The following RABGAP1L variants were observed in gnomAD, a reference collection of about 807,000 sequenced individuals.
The protein encoded by RABGAP1L is rab GTPase-activating protein 1-like.
In RABGAP1L, 63 loss-of-function variants were observed where a neutral mutation model predicts 137.7. The ratio of observed to expected loss-of-function variants is 0.46; its 90% confidence interval spans 0.37 to 0.56. The LOEUF is 0.56. RABGAP1L is among the 20% of genes least tolerant of loss of function. The probability of loss-of-function intolerance (pLI) is 0.00; values close to 1 mark genes in which losing one functional copy is unlikely to be tolerated. For missense variants in RABGAP1L, 1,095 were observed against 1,244.0 expected, an observed-to-expected ratio of 0.88 and a Z score of 1.80; for synonymous variants, 431 against 433.7, an observed-to-expected ratio of 0.99 and a Z score of 0.08.
Position 174,675,034 on chromosome 1 carries a change from A to G in RABGAP1L, c.1825-8488A>G, listed in dbSNP as rs1379376574. ...TTGCAAAAATTTTCTCCCATTTTGT[A>G]GGTTGCCTGTTCACTCTGATGGTAG... On this transcript the variant is annotated intron_variant, in intron 14 of 25. Coordinates refer to ENST00000681986, the MANE Select transcript of RABGAP1L (RefSeq NM_001366446.1). 2.0e-4 allele frequency among the ~76,000 whole-genome samples: 30 copies of G among 151,974 alleles called. No individual in the cohort carries two copies. In the South Asian group the frequency reaches 3.7e-3, roughly 19 times the overall value.
At chr1:174,902,328 C>T (rs1341246832) in intron 19 of RABGAP1L, among the ~76,000 whole-genome samples, 3 of 152,172 alleles carry the variant, frequency 2.0e-5, no homozygotes, top group African/African-American at 4.8e-5. Context: ...TGCCTCTCCC[C>T]CCCAGGAACT....
chr1:174,191,829 GA>G (rs1667231606), intron 1 of RABGAP1L, among the ~76,000 whole-genome samples: 1 of 152,192 alleles, frequency 6.6e-6, no homozygotes, highest in Non-Finnish European at 1.5e-5. Flanking sequence ...ACTGACTCAG[GA>G]ACAGTCAGTG....
intron 13 of RABGAP1L, among the ~76,000 whole-genome samples, chr1:174,467,710 T>G (rs974706634): frequency 3.9e-5 from 6 of 152,158 alleles, no homozygotes; most frequent in Non-Finnish European, 7.4e-5. Context: ...GTTATCACAC[T>G]TCTACTAAGT....
intron 19 of RABGAP1L, among the ~76,000 whole-genome samples, chr1:174,943,006 C>T (rs566073079): frequency 6.6e-6 from 1 of 152,278 alleles, no homozygotes; most frequent in East Asian, 1.9e-4. Context: ...CACAATAGCT[C>T]TTTGCTAACT....
chr1:174,921,396 A>C (rs1014080357), intron 19 of RABGAP1L, among the ~76,000 whole-genome samples: 2 of 152,220 alleles, frequency 1.3e-5, no homozygotes, highest in Admixed American at 6.5e-5. Context: ...GTGGACAGAT[A>C]CATTTGTTTT....
intron 17 of RABGAP1L, among the ~76,000 whole-genome samples, chr1:174,729,662 A>G (rs527329118): frequency 6.6e-6 from 1 of 152,360 alleles, no homozygotes; most frequent in Admixed American, 6.5e-5. Flanking sequence ...TGGACAAAGG[A>G]CACGAACAGA....
chr1:174,350,500 G>A (rs1454963903), intron 11 of RABGAP1L, among the ~76,000 whole-genome samples: 89 of 139,410 alleles, frequency 6.4e-4, no homozygotes, highest in Admixed American at 2.8e-3. Flanking sequence ...ATGGGCTGCC[G>A]GGCAGAGACG....
intron 7 of RABGAP1L, 140 bp downstream of exon 7, chr1:174,252,730 T>C (rs1672813293): frequency 7.7e-7 from 1 of 1,306,968 alleles, no homozygotes; most frequent in African/African-American, 2.0e-5. Context: ...CTTTCTCTAC[T>C]TTAACTTAGA....
At chr1:174,292,876 C>T (rs749862138) in intron 10 of RABGAP1L, among the ~76,000 whole-genome samples, 1 of 152,160 alleles carries the variant, frequency 6.6e-6, no homozygotes, top group Non-Finnish European at 1.5e-5. Flanking sequence ...AATTAGTTTA[C>T]TACATACCAT....
At chr1:174,346,823 GA>G (rs1474661778) in intron 11 of RABGAP1L, among the ~76,000 whole-genome samples, 1 of 151,446 alleles carries the variant, frequency 6.6e-6, no homozygotes, top group East Asian at 1.9e-4. Context: ...TAGGTTGTTT[GA>G]TGTTTTTTCT....
At chr1:174,441,909 C>T (rs1329881252) in intron 13 of RABGAP1L, among the ~76,000 whole-genome samples, 1 of 150,440 alleles carries the variant, frequency 6.6e-6, no homozygotes, top group African/African-American at 2.4e-5. Context: ...TTCTGAAACT[C>T]TTCATCTCAT....
chr1:174,785,595 A>G (rs1181357559), intron 18 of RABGAP1L, among the ~76,000 whole-genome samples: 2 of 152,230 alleles, frequency 1.3e-5, no homozygotes, highest in Non-Finnish European at 2.9e-5. Flanking sequence ...ATGCGTTCTC[A>G]TTTCAGAGCA....
chr1:174,879,955 T>C lies in RABGAP1L; in HGVS notation c.2340+67995T>C, dbSNP rs539099662. ...AAAAATAACAAAGATCAGCCAGGCA[T>C]AGTGGCGCATGCCCATAATCTCAGC... On this transcript the variant is annotated intron_variant, in intron 19 of 25. Transcript: ENST00000681986. 2.0e-5 allele frequency among the ~76,000 whole-genome samples: 3 copies of C among 151,480 alleles called. No individual in the cohort carries two copies. In the East Asian group the frequency reaches 5.8e-4, roughly 30 times the overall value.
At chr1:174,196,690 TC>T (rs1667720008) in intron 1 of RABGAP1L, among the ~76,000 whole-genome samples, 1 of 152,098 alleles carries the variant, frequency 6.6e-6, no homozygotes, top group African/African-American at 2.4e-5. Flanking sequence ...CATCATAACT[TC>T]CTGCTCTAGT....
chr1:174,274,359 G>A (rs776089531), intron 8 of RABGAP1L, among the ~76,000 whole-genome samples: 5 of 152,038 alleles, frequency 3.3e-5, no homozygotes, highest in Non-Finnish European at 7.4e-5. Flanking sequence ...AGGTCGTCCC[G>A]TAAGATTATA....
chr1:174,218,673 CT>C (rs1669526475), intron 1 of RABGAP1L, among the ~76,000 whole-genome samples: 1 of 151,990 alleles, frequency 6.6e-6, no homozygotes, highest in Admixed American at 6.6e-5. Context: ...AATATTCGGT[CT>C]TGAGGAGATA....
chr1:174,686,660 T>TGAGA (rs1235442334), intron 15 of RABGAP1L, among the ~76,000 whole-genome samples: 1 of 109,002 alleles, frequency 9.2e-6, no homozygotes, highest in African/African-American at 9.6e-5. Context: ...TTTTTTTTTT[T>TGAGA]TTTTTTTTTT....
At chr1:174,613,163 G>A (rs1219764311) in intron 13 of RABGAP1L, among the ~76,000 whole-genome samples, 16 of 149,628 alleles carry the variant, frequency 1.1e-4, no homozygotes, top group East Asian at 7.8e-4. Flanking sequence ...TGTCAATTTT[G>A]GATCTTTCCT....
intron 13 of RABGAP1L, among the ~76,000 whole-genome samples, chr1:174,547,029 C>CAAA (rs375413887): frequency 0.059 from 4,600 of 77,974 alleles, 571 homozygotes; most frequent in East Asian, 0.11. Context: ...GACTCTGTCT[C>CAAA]AAAAAAAAAA....
Sources: gnomAD v4.1 joint callset for allele counts (sites outside exome capture counted in the v4.1 genomes callset) on GRCh38, gnomAD v4.1.1 for gene constraint, MANE v1.5 for transcripts, NCBI Gene and HGNC (gene_info 2026-07-23, HGNC 2026-07-21) for gene names.